The following LOC400499 variants were observed in gnomAD, a reference collection of about 807,000 sequenced individuals.
At chr16:11,401,921 GCCTCATTGACC>G in the LOC400499 span, 1 of 398,114 alleles carries the variant, frequency 2.5e-6, no homozygotes, top group Non-Finnish European at 4.4e-6. Flanking sequence ...ATGTGGTACA[GCCTCATTGACC>G]CCAGATAAGG....
At chr16:11,501,996 A>C in the LOC400499 span, 3 of 397,778 alleles carry the variant, frequency 7.5e-6, no homozygotes, top group East Asian at 1.1e-4. Flanking sequence ...CTGGGAACCC[A>C]GGACAGCACG....
chr16:11,413,214 G>A, the LOC400499 span, among the ~76,000 whole-genome samples: 74 of 152,248 alleles, frequency 4.9e-4, no homozygotes, highest in East Asian at 0.012. Flanking sequence ...ATGTGCTCCC[G>A]GGAGGGCTCC....
chr16:11,433,054 A>C, the LOC400499 span, among the ~76,000 whole-genome samples: 2 of 152,216 alleles, frequency 1.3e-5, no homozygotes, highest in Non-Finnish European at 2.9e-5. Context: ...TGTTTTTATA[A>C]ATAAAGTTTT....
At chr16:11,397,701 T>C in the LOC400499 span, among the ~76,000 whole-genome samples, 1 of 148,734 alleles carries the variant, frequency 6.7e-6, no homozygotes, top group Non-Finnish European at 1.5e-5. Context: ...CTAAAATATA[T>C]GCTATCTGTC....
chr16:11,446,198 G>C, the LOC400499 span, among the ~76,000 whole-genome samples: 1 of 152,066 alleles, frequency 6.6e-6, no homozygotes, highest in Non-Finnish European at 1.5e-5. Flanking sequence ...GCCCAGGCTG[G>C]AATGCAATGG....
At chr16:11,424,147 C>T in the LOC400499 span, 1 of 399,362 alleles carries the variant, frequency 2.5e-6, no homozygotes, top group Non-Finnish European at 4.4e-6. Context: ...AAGGGGAGGC[C>T]CCAGTGCTTG....
At chr16:11,438,604 C>T in the LOC400499 span, among the ~76,000 whole-genome samples, 18 of 88,128 alleles carry the variant, frequency 2.0e-4, no homozygotes, top group African/African-American at 9.9e-4. Flanking sequence ...GACCCTGTCT[C>T]TGCAAAAAAA....
the LOC400499 span, among the ~76,000 whole-genome samples, chr16:11,396,922 C>T: frequency 1.4e-4 from 21 of 152,182 alleles, no homozygotes; most frequent in African/African-American, 4.8e-4. Context: ...AGTGCTGCCC[C>T]GTGTTCCTCA....
the LOC400499 span, chr16:11,393,547 T>A: frequency 8.1e-7 from 1 of 1,232,460 alleles, no homozygotes; most frequent in South Asian, 4.1e-5. Flanking sequence ...CGCTGAGCCT[T>A]GGAGCCACGA....
the LOC400499 span, among the ~76,000 whole-genome samples, chr16:11,487,565 A>C: frequency 6.6e-6 from 1 of 152,156 alleles, no homozygotes; most frequent in Non-Finnish European, 1.5e-5. Flanking sequence ...TCCAGGACAC[A>C]GAGTCACACA....
At chr16:11,431,098 G>T in the LOC400499 span, 1 of 399,102 alleles carries the variant, frequency 2.5e-6, no homozygotes, top group Non-Finnish European at 4.4e-6. Context: ...GGGCATCGCT[G>T]CCCAGCCAGC....
chr16:11,526,737 T>G, the LOC400499 span, among the ~76,000 whole-genome samples: 16 of 152,166 alleles, frequency 1.1e-4, no homozygotes, highest in Admixed American at 4.6e-4. Context: ...GCTGAGACAA[T>G]GTCTCACTCT....
At chr16:11,421,738 C>T in the LOC400499 span, among the ~76,000 whole-genome samples, 2 of 151,968 alleles carry the variant, frequency 1.3e-5, no homozygotes, top group Non-Finnish European at 2.9e-5. Context: ...CGCATAGGGA[C>T]GGAAGGCAGA....
the LOC400499 span, among the ~76,000 whole-genome samples, chr16:11,449,581 C>T: frequency 6.6e-6 from 1 of 152,186 alleles, no homozygotes; most frequent in African/African-American, 2.4e-5. Flanking sequence ...GGGATGGTTC[C>T]CTGTTGGCCA....
chr16:11,469,701 T>C, the LOC400499 span: 1 of 398,950 alleles, frequency 2.5e-6, no homozygotes. Flanking sequence ...ATTGAGAGCC[T>C]CCACCTGTAC....
chr16:11,390,459 G>A, the LOC400499 span: 1 of 1,242,800 alleles, frequency 8.0e-7, no homozygotes, highest in Non-Finnish European at 1.0e-6. Flanking sequence ...GTGTGGCCAG[G>A]GGCCCTGCAA....
the LOC400499 span, among the ~76,000 whole-genome samples, chr16:11,495,126 T>C: frequency 3.0e-3 from 453 of 151,942 alleles, 4 homozygotes; most frequent in African/African-American, 0.01. Flanking sequence ...CAAGAATCCC[T>C]TGAACCCGGG....
chr16:11,443,930 T>C, the LOC400499 span, among the ~76,000 whole-genome samples: 5 of 151,866 alleles, frequency 3.3e-5, no homozygotes, highest in Admixed American at 6.6e-5. Context: ...TGCCTCCCAG[T>C]TTCAAGTGAC....
At chr16:11,498,620 G>A in the LOC400499 span, among the ~76,000 whole-genome samples, 7 of 148,996 alleles carry the variant, frequency 4.7e-5, no homozygotes, top group Non-Finnish European at 5.9e-5. Context: ...TCACGAACCC[G>A]GTGCATTCCC....
Sources: allele counts gnomAD v4.1 joint callset (sites outside exome capture counted in the v4.1 genomes callset), GRCh38; gene constraint gnomAD v4.1.1; transcripts MANE v1.5.